The following PM20D1 variants were observed in gnomAD, a reference collection of about 807,000 sequenced individuals.
PM20D1 encodes the protein N-fatty-acyl-amino acid synthase/hydrolase PM20D1.
PM20D1 carries 53 observed loss-of-function variants against 53.8 expected under a neutral mutation model. The observed-to-expected ratio is 0.98, with a 90% confidence interval of 0.79 to 1.24. The LOEUF is 1.24. PM20D1 is among the 50% of genes most tolerant of loss of function. PM20D1 has a pLI of 0.00. For synonymous variants in PM20D1, 239 were observed against 241.3 expected, an observed-to-expected ratio of 0.99 and a Z score of 0.09; for missense variants, 564 against 616.8, an observed-to-expected ratio of 0.91 and a Z score of 0.91.
At chr1:205,831,034 C>T (rs1476452974) in intron 11 of PM20D1, among the ~76,000 whole-genome samples, 3 of 152,150 alleles carry the variant, frequency 2.0e-5, no homozygotes, top group Admixed American at 1.3e-4. Context: ...ACAAAATTTC[C>T]TGTTATTCTC....
Position 205,832,766 on chromosome 1 carries a change from C to A in PM20D1, c.1117G>T (p.Val373Phe). The change falls in exon 11 of 13, where the codon GTC (valine) becomes TTC (phenylalanine). Residue 373 changes from valine to phenylalanine, a missense_variant and splice_region_variant. Val to Phe is a conservative substitution (Grantham distance 50). Transcript: ENST00000367136. ...RIHPGQTVQE[V>F]LELTKNIVAD... is the part of the protein sequence containing the mutation. The stretch of plus-strand genomic sequence containing the variant: ...ACAATGTTCTTCGTGAGTTCTAGGA[C>A]CTCCAGGGTAGAAACAAAGGGGGTT... 6.3e-7 allele frequency: 1 copy of A among 1,577,754 alleles called. No individual in the cohort carries two copies. Among genetic ancestry groups the A allele is most frequent in the South Asian group, 1.2e-5 (1 of 86,096 alleles).
At chr1:205,832,843 T>A in intron 10 of PM20D1, 77 bp from the exon 11 acceptor site, 1 of 1,448,652 alleles carries the variant, frequency 6.9e-7, no homozygotes, top group Non-Finnish European at 9.2e-7. Context: ...AATATCCTGA[T>A]TTCTTTCCAG....
At chr1:205,845,622 G>A in intron 2 of PM20D1, 65 bp from the exon 3 acceptor site, 6 of 1,378,508 alleles carry the variant, frequency 4.4e-6, no homozygotes, top group Non-Finnish European at 6.1e-6. Context: ...TTCCTACCAA[G>A]TTGTGCTTCC....
At position 205,828,569 on chromosome 1, in the gene PM20D1, G is replaced by T. The variant is rs770619041; in HGVS notation, c.*51C>A. Reference sequence around the variant, plus strand: ...CATCAACACTAGCTTTCCCCCTTGGGTTAGTCCTGTCCCGGGGTCGGGCAT... The same window carrying T: ...CATCAACACTAGCTTTCCCCCTTGGTTTAGTCCTGTCCCGGGGTCGGGCAT... On this transcript the variant is annotated 3_prime_UTR_variant, in exon 13 of 13. Coordinates refer to ENST00000367136, the MANE Select transcript of PM20D1 (RefSeq NM_152491.5). 6.2e-7 allele frequency: 1 copy of T among 1,609,710 alleles called. No homozygotes were observed. Among genetic ancestry groups the T allele is most frequent in the Non-Finnish European group, 8.5e-7 (1 of 1,178,218 alleles).
chr1:205,842,233 C>A lies in PM20D1; in HGVS notation c.904-18G>T. Reference sequence around the variant, plus strand: ...AAGGGAAACTGGGAAAGAACAAGGTCAGCACCACAGGGTCACCTCTAGTTT... The same window carrying A: ...AAGGGAAACTGGGAAAGAACAAGGTAAGCACCACAGGGTCACCTCTAGTTT... On this transcript the variant is annotated intron_variant, in intron 7 of 12. Transcript: ENST00000367136. 1 of 1,604,706 alleles carries A rather than the reference C, an allele frequency of 6.2e-7. No homozygotes were observed. The highest frequency in any genetic ancestry group is 1.1e-5 in the South Asian group (1 of 90,874).
rs774230285 is a variant in PM20D1, at chr1:205,832,713, C to T, written c.1170G>A (p.Val390=). The change falls in exon 11 of 13, where the codon GTG becomes GTA. Residue 390 remains valine (V), a synonymous_variant. Coordinates refer to ENST00000367136, the MANE Select transcript of PM20D1 (RefSeq NM_152491.5). ...IVADNRVQFH[V]LSAFDPLPVS... Reference sequence around the variant, plus strand: ...CGGGGAGGGGGTCAAAGGCACTCAACACATGGAACTGGACTCTGTTATCAG... The same window carrying T: ...CGGGGAGGGGGTCAAAGGCACTCAATACATGGAACTGGACTCTGTTATCAG... 3 of 1,613,734 alleles carry T rather than the reference C, an allele frequency of 1.9e-6. No homozygotes were observed. In the Admixed American group the frequency reaches 5.0e-5, roughly 27 times the overall value.
At position 205,838,711 on chromosome 1, in the gene PM20D1, T is replaced by C. The variant is rs1486045539; in HGVS notation, c.1116+1541A>G. Among the ~76,000 whole-genome samples the C allele has an allele frequency of 2.0e-5, 3 of 152,242 alleles. No homozygotes were observed. The East Asian group carries it at 5.8e-4, about 29-fold the overall frequency. ...TTATAATTGCCTATTTCATATGTTA[T>C]AAGCTTCTCAAACTTCCAAATTATG... On this transcript the variant is annotated intron_variant, in intron 10 of 12. Coordinates refer to ENST00000367136, the MANE Select transcript of PM20D1 (RefSeq NM_152491.5).
At chr1:205,837,422 ATGGCAGCCTCT>A (rs1295597518) in intron 10 of PM20D1, among the ~76,000 whole-genome samples, 2 of 152,126 alleles carry the variant, frequency 1.3e-5, no homozygotes, top group Non-Finnish European at 1.5e-5. Context: ...TCCTTTCCAC[ATGGCAGCCTCT>A]TGGATTTCTG....
chr1:205,843,532 A>G, intron 6 of PM20D1, 135 bp downstream of exon 6: 1 of 1,257,266 alleles, frequency 8.0e-7, no homozygotes, highest in Non-Finnish European at 1.1e-6. Flanking sequence ...TTCTTCCTCT[A>G]GTGTCAATTT....
At chr1:205,840,168 C>A in intron 10 of PM20D1, 84 bp downstream of exon 10, 1 of 1,280,348 alleles carries the variant, frequency 7.8e-7, no homozygotes, top group East Asian at 2.4e-5. Flanking sequence ...TGGACCAGCC[C>A]TAGGACTGTA....
rs770575190 is a variant in PM20D1, at chr1:205,842,218, G to T, written c.904-3C>A. ...ATTATATTGACAGGGAAGGGAAACT[G>T]GGAAAGAACAAGGTCAGCACCACAG... On this transcript the variant is annotated splice_region_variant and splice_polypyrimidine_tract_variant and intron_variant, in intron 7 of 12. Coordinates refer to ENST00000367136, the MANE Select transcript of PM20D1 (RefSeq NM_152491.5). 2.5e-6 allele frequency: 4 copies of T among 1,612,222 alleles called. No homozygotes were observed. Among genetic ancestry groups the T allele is most frequent in the Non-Finnish European group, 3.4e-6 (4 of 1,178,302 alleles).
chr1:205,835,600 C>T (rs1272383568), intron 10 of PM20D1, among the ~76,000 whole-genome samples: 1 of 126,236 alleles, frequency 7.9e-6, no homozygotes, highest in Admixed American at 9.6e-5. Context: ...TGCAGTGGGC[C>T]AAGATCGTGC....
At position 205,845,363 on chromosome 1, in the gene PM20D1, A is replaced by G. The variant is rs770769478; in HGVS notation, c.451T>C (p.Tyr151His). ...TTGTCGTCCAGTGTGCCCCGACCAT[A>G]GATGATGCCATCACGCTCCAACCCA... Reference protein sequence around the residue: ...FSGLERDGIIYGRGTLDDKNS... With the variant: ...FSGLERDGIIHGRGTLDDKNS... The change falls in exon 3 of 13, where the codon TAT becomes CAT. Residue 151 changes from tyrosine (Y) to histidine (H), a missense_variant. Coordinates refer to ENST00000367136, the MANE Select transcript of PM20D1 (RefSeq NM_152491.5). 16 of 1,614,050 alleles carry G rather than the reference A, an allele frequency of 9.9e-6. No individual in the cohort carries two copies. The Middle Eastern group carries it at 9.9e-4, about 100-fold the overall frequency.
In PM20D1 at chr1:205,845,367, G is replaced by C; in HGVS notation, c.447C>G (p.Ile149Met). The change falls in exon 3 of 13, where the codon ATC becomes ATG. Residue 149 changes from isoleucine (I) to methionine (M), a missense_variant. Transcript: ENST00000367136. ...CGTCCAGTGTGCCCCGACCATAGAT[G>C]ATGCCATCACGCTCCAACCCAGAGA... ...PPFSGLERDGIIYGRGTLDDK... is the reference protein window; with the variant it reads ...PPFSGLERDGMIYGRGTLDDK... 1.2e-6 allele frequency: 2 copies of C among 1,614,158 alleles called. No homozygotes were observed. The highest frequency in any genetic ancestry group is 1.7e-6 in the Non-Finnish European group (2 of 1,180,032).
At chr1:205,845,250 C>A in intron 3 of PM20D1, 75 bp downstream of exon 3, 1 of 1,443,730 alleles carries the variant, frequency 6.9e-7, no homozygotes, top group South Asian at 1.2e-5. Context: ...TCTCCCACCT[C>A]CCAGGGTCAG....
chr1:205,841,203 T>A (rs1656797524), intron 9 of PM20D1, among the ~76,000 whole-genome samples: 1 of 152,026 alleles, frequency 6.6e-6, no homozygotes, highest in Non-Finnish European at 1.5e-5. Flanking sequence ...GAGAAAAGAG[T>A]TAGGCTATGG....
chr1:205,844,257 A>G, intron 4 of PM20D1, 40 bp from the exon 5 acceptor site: 1 of 1,556,072 alleles, frequency 6.4e-7, no homozygotes, highest in Non-Finnish European at 8.7e-7. Flanking sequence ...CTTCTCAGCC[A>G]GAGACAGACC....
At chr1:205,849,610 C>A (rs1040791986) in intron 1 of PM20D1, among the ~76,000 whole-genome samples, 1 of 152,128 alleles carries the variant, frequency 6.6e-6, no homozygotes, top group African/African-American at 2.4e-5. Context: ...TGGTGTAATA[C>A]TCGAGGCAAG....
chr1:205,841,109 C>A (rs1571675048), intron 9 of PM20D1, among the ~76,000 whole-genome samples: 1 of 152,212 alleles, frequency 6.6e-6, no homozygotes, highest in African/African-American at 2.4e-5. Flanking sequence ...CATTCCCGAC[C>A]TTCTAGCAGG....
Sources: allele counts gnomAD v4.1 joint callset (sites outside exome capture counted in the v4.1 genomes callset), GRCh38; gene constraint gnomAD v4.1.1; transcripts MANE v1.5; gene names NCBI Gene and HGNC (gene_info 2026-07-23, HGNC 2026-07-21).